NHS: variants seen among roughly 807,000 people sequenced by gnomAD.
NHS encodes the protein NHS actin remodeling regulator.
NHS carries 5 observed loss-of-function variants against 72.5 expected under a neutral mutation model. That is an observed-to-expected ratio of 0.07 (90% CI 0.04 to 0.14). The LOEUF is 0.14. Ranked by LOEUF, NHS falls within the 10% of genes least tolerant of loss-of-function variation. NHS has a pLI of 1.00. For missense variants in NHS, 1,072 were observed against 1,355.7 expected (o/e 0.79, Z 3.29); for synonymous variants, 464 against 547.7 (o/e 0.85, Z 2.13).
At chrX:17,419,041 T>C (rs746121076) in intron 1 of NHS, among the ~76,000 whole-genome samples, 2 of 112,778 alleles carry the variant, frequency 1.8e-5, no homozygotes, top group South Asian at 3.7e-4. Flanking sequence ...GCTGTAGATA[T>C]TCTTGTCGCA....
chrX:17,558,152 T>C (rs1003671156), intron 1 of NHS, among the ~76,000 whole-genome samples: 1 of 111,644 alleles, frequency 9.0e-6, no homozygotes, highest in Non-Finnish European at 1.9e-5. Context: ...GTCTGAAATA[T>C]CTTACAATAA....
intron 1 of NHS, among the ~76,000 whole-genome samples, chrX:17,569,458 A>G (rs1213927253): frequency 1.8e-5 from 2 of 110,403 alleles, no homozygotes; most frequent in African/African-American, 3.4e-5. Flanking sequence ...TGGCTGCATA[A>G]ATGTCTTCTT....
intron 3 of NHS, among the ~76,000 whole-genome samples, chrX:17,707,848 C>T (rs889615955): frequency 1.2e-4 from 13 of 111,492 alleles, no homozygotes; most frequent in Non-Finnish European, 2.3e-4. Context: ...TTCCATCCTT[C>T]CCTTTCTCTG....
chrX:17,723,233 C>T (rs1221379732), intron 5 of NHS, among the ~76,000 whole-genome samples: 1 of 112,043 alleles, frequency 8.9e-6, no homozygotes, highest in African/African-American at 3.2e-5. Flanking sequence ...TTTCATTATA[C>T]AGCTGAACCA....
intron 1 of NHS, among the ~76,000 whole-genome samples, chrX:17,416,671 C>T (rs7881164): frequency 0.25 from 27,803 of 110,791 alleles, 2,602 homozygotes; most frequent in South Asian, 0.51. Context: ...TGGTGAGGGC[C>T]GGGGCCATAT....
chrX:17,578,688 G>C (rs1013364178), intron 1 of NHS, among the ~76,000 whole-genome samples: 2 of 112,108 alleles, frequency 1.8e-5, no homozygotes, highest in African/African-American at 6.5e-5. Flanking sequence ...AAATTCAATT[G>C]GTGTTATAAA....
intron 1 of NHS, among the ~76,000 whole-genome samples, chrX:17,682,395 A>T (rs1329464629): frequency 9.0e-6 from 1 of 111,410 alleles, no homozygotes; most frequent in Non-Finnish European, 1.9e-5. Flanking sequence ...CCTCCCTGTC[A>T]TGGGGCACCA....
At chrX:17,548,586 G>A (rs73443647) in intron 1 of NHS, among the ~76,000 whole-genome samples, 3,107 of 111,358 alleles carry the variant, frequency 0.028, 100 homozygotes, top group African/African-American at 0.094. Context: ...ACACACACAC[G>A]CACACATTCC....
chrX:17,435,868 C>T (rs983686878), intron 1 of NHS, among the ~76,000 whole-genome samples: 2 of 111,682 alleles, frequency 1.8e-5, no homozygotes, highest in African/African-American at 3.3e-5. Flanking sequence ...TCAGGAGAAC[C>T]GTGGAGACCC....
chrX:17,669,225 A>G (rs2066030116), intron 1 of NHS, among the ~76,000 whole-genome samples: 1 of 112,207 alleles, frequency 8.9e-6, no homozygotes, highest in South Asian at 3.7e-4. Flanking sequence ...GAGAACTCAT[A>G]TGTCTTTCAG....
intron 1 of NHS, among the ~76,000 whole-genome samples, chrX:17,497,089 G>A (rs2065016431): frequency 8.9e-6 from 1 of 112,058 alleles, no homozygotes; most frequent in Non-Finnish European, 1.9e-5. Context: ...TTCAGGGTTG[G>A]GTGCACAATA....
intron 1 of NHS, among the ~76,000 whole-genome samples, chrX:17,518,311 C>T (rs895408459): frequency 8.9e-6 from 1 of 112,231 alleles, no homozygotes; most frequent in Admixed American, 9.4e-5. Context: ...GGGGATGTGT[C>T]AACCTTCTGC....
intron 1 of NHS, among the ~76,000 whole-genome samples, chrX:17,430,600 A>G (rs2064690620): frequency 9.0e-6 from 1 of 110,666 alleles, no homozygotes; most frequent in African/African-American, 3.3e-5. Context: ...TTGTGTAGCC[A>G]TTACTACATC....
At chrX:17,682,597 T>C (rs1447231617) in intron 1 of NHS, among the ~76,000 whole-genome samples, 2 of 111,770 alleles carry the variant, frequency 1.8e-5, no homozygotes, top group East Asian at 5.6e-4. Flanking sequence ...TGAGTCATTT[T>C]GTGCATTTTT....
At chrX:17,673,647 C>T (rs1484971695) in intron 1 of NHS, among the ~76,000 whole-genome samples, 1 of 111,420 alleles carries the variant, frequency 9.0e-6, no homozygotes, top group African/African-American at 3.3e-5. Flanking sequence ...TAAGCAGCTC[C>T]CTACCTGCGC....
intron 1 of NHS, among the ~76,000 whole-genome samples, chrX:17,595,240 G>A: frequency 9.0e-6 from 1 of 111,332 alleles, no homozygotes; most frequent in Non-Finnish European, 1.9e-5. Context: ...CTGAAGAGTG[G>A]GTACCAAGCA....
intron 1 of NHS, among the ~76,000 whole-genome samples, chrX:17,665,020 TATA>T (rs745524632): frequency 5.2e-4 from 57 of 109,651 alleles, no homozygotes; most frequent in South Asian, 4.5e-3. Context: ...CTAGTTTATA[TATA>T]ATAATACATA....
intron 1 of NHS, among the ~76,000 whole-genome samples, chrX:17,607,919 C>CTTTTTTTTTTT (rs749347077): frequency 2.2e-5 from 2 of 92,269 alleles, no homozygotes; most frequent in East Asian, 3.3e-4. Context: ...CTTTTCTTTT[C>CTTTTTTTTTTT]TTTTTTTTTT....
intron 1 of NHS, among the ~76,000 whole-genome samples, chrX:17,482,361 C>T (rs1477060481): frequency 8.9e-6 from 1 of 111,884 alleles, no homozygotes; most frequent in Non-Finnish European, 1.9e-5. Context: ...CAGTCCCTCT[C>T]TATAAGGTGA....
Sources: gnomAD v4.1 joint callset for allele counts (sites outside exome capture counted in the v4.1 genomes callset) on GRCh38, gnomAD v4.1.1 for gene constraint, MANE v1.5 for transcripts, NCBI Gene and HGNC (gene_info 2026-07-23, HGNC 2026-07-21) for gene names.